ST6GALNAC3: variants seen among roughly 807,000 people sequenced by gnomAD.
ST6GALNAC3 encodes the protein ST6 N-acetylgalactosaminide alpha-2,6-sialyltransferase 3, also known as alpha-N-acetylgalactosaminide alpha-2,6-sialyltransferase 3.
ST6GALNAC3 carries 25 observed loss-of-function variants against 32.7 expected under a neutral mutation model. That is an observed-to-expected ratio of 0.76 (90% CI 0.56 to 1.07). The LOEUF (loss-of-function observed/expected upper bound fraction) is 1.07. ST6GALNAC3 is among the 50% of genes least tolerant of loss of function. The probability of loss-of-function intolerance (pLI) is 0.00; values close to 1 mark genes in which losing one functional copy is unlikely to be tolerated. For synonymous variants in ST6GALNAC3, 129 were observed against 133.1 expected, an observed-to-expected ratio of 0.97 and a Z score of 0.21; for missense variants, 355 against 382.4, an observed-to-expected ratio of 0.93 and a Z score of 0.60.
chr1:76,150,595 T>C (rs1650976926), intron 1 of ST6GALNAC3, among the ~76,000 whole-genome samples: 1 of 152,236 alleles, frequency 6.6e-6, no homozygotes. Context: ...AGCTGTAATT[T>C]CCTGCAGAAC....
chr1:76,121,209 T>C (rs1648850209), intron 1 of ST6GALNAC3, among the ~76,000 whole-genome samples: 2 of 152,326 alleles, frequency 1.3e-5, no homozygotes, highest in Middle Eastern at 3.4e-3. Flanking sequence ...GATTAGGATG[T>C]TGGCATTTTG....
intron 2 of ST6GALNAC3, among the ~76,000 whole-genome samples, chr1:76,361,061 T>G (rs1649891979): frequency 6.6e-6 from 1 of 152,182 alleles, no homozygotes; most frequent in South Asian, 2.1e-4. Flanking sequence ...GTTTTGCTTT[T>G]TTTTTTAATT....
chr1:76,511,831 G>A (rs956952420), intron 3 of ST6GALNAC3, among the ~76,000 whole-genome samples: 16 of 152,260 alleles, frequency 1.1e-4, no homozygotes, highest in African/African-American at 2.4e-4. Context: ...TCAGTTTAGG[G>A]ATATGAATAA....
intron 3 of ST6GALNAC3, among the ~76,000 whole-genome samples, chr1:76,443,165 GT>G (rs1395395040): frequency 2.0e-5 from 3 of 151,948 alleles, no homozygotes; most frequent in Non-Finnish European, 4.4e-5. Flanking sequence ...GTTTTGTTTT[GT>G]TTTTTAAAGA....
At chr1:76,548,697 A>G (rs1664442809) in intron 3 of ST6GALNAC3, among the ~76,000 whole-genome samples, 2 of 152,198 alleles carry the variant, frequency 1.3e-5, no homozygotes, top group South Asian at 4.1e-4. Flanking sequence ...ATAGTAAAGG[A>G]AGGCAAGGGC....
intron 1 of ST6GALNAC3, among the ~76,000 whole-genome samples, chr1:76,237,335 G>C (rs1022961388): frequency 6.6e-6 from 1 of 152,044 alleles, no homozygotes; most frequent in Non-Finnish European, 1.5e-5. Context: ...TGTTTCACTG[G>C]GTTGGCCAGG....
At chr1:76,085,799 T>C (rs1646957282) in intron 1 of ST6GALNAC3, among the ~76,000 whole-genome samples, 1 of 152,232 alleles carries the variant, frequency 6.6e-6, no homozygotes, top group Admixed American at 6.5e-5. Flanking sequence ...TGTTGAGTTA[T>C]GGAAATTGCA....
chr1:76,317,671 C>T (rs1646890804), intron 2 of ST6GALNAC3, among the ~76,000 whole-genome samples: 1 of 152,134 alleles, frequency 6.6e-6, no homozygotes, highest in South Asian at 2.1e-4. Flanking sequence ...GCAGTGATTT[C>T]CAGACCTAGA....
At chr1:76,173,764 T>C (rs1378832292) in intron 1 of ST6GALNAC3, among the ~76,000 whole-genome samples, 2 of 152,072 alleles carry the variant, frequency 1.3e-5, no homozygotes, top group South Asian at 4.1e-4. Flanking sequence ...ATTAGAGAAA[T>C]GCAAATCAAA....
chr1:76,202,566 A>G (rs1362104979), intron 1 of ST6GALNAC3, among the ~76,000 whole-genome samples: 2 of 152,168 alleles, frequency 1.3e-5, no homozygotes, highest in African/African-American at 4.8e-5. Flanking sequence ...GAATGTGTGT[A>G]TAAGTAGTTG....
intron 3 of ST6GALNAC3, among the ~76,000 whole-genome samples, chr1:76,423,944 T>C (rs535149936): frequency 6.6e-6 from 1 of 152,018 alleles, no homozygotes; most frequent in East Asian, 1.9e-4. Flanking sequence ...CTAACAAAGG[T>C]GTTAATATCC....
chr1:76,144,247 C>G (rs1033968629), intron 1 of ST6GALNAC3, among the ~76,000 whole-genome samples: 1 of 152,050 alleles, frequency 6.6e-6, no homozygotes, highest in African/African-American at 2.4e-5. Context: ...TCAAGGAGCT[C>G]GGTCAGTAAT....
chr1:76,144,200 A>G (rs1310957041), intron 1 of ST6GALNAC3, among the ~76,000 whole-genome samples: 1 of 152,178 alleles, frequency 6.6e-6, no homozygotes, highest in Non-Finnish European at 1.5e-5. Context: ...AAGATGGGAA[A>G]GCGTGCTGCT....
intron 3 of ST6GALNAC3, among the ~76,000 whole-genome samples, chr1:76,445,654 A>G (rs1656918595): frequency 6.6e-6 from 1 of 152,138 alleles, no homozygotes; most frequent in South Asian, 2.1e-4. Context: ...ATTTTGTGAT[A>G]TGGTATCTGA....
chr1:76,178,618 A>C (rs1347711380), intron 1 of ST6GALNAC3, among the ~76,000 whole-genome samples: 2 of 152,200 alleles, frequency 1.3e-5, no homozygotes, highest in African/African-American at 2.4e-5. Context: ...CTACTGATCA[A>C]GATCAATAGT....
intron 3 of ST6GALNAC3, among the ~76,000 whole-genome samples, chr1:76,518,432 T>G (rs1557518435): frequency 6.6e-6 from 1 of 152,132 alleles, no homozygotes; most frequent in Non-Finnish European, 1.5e-5. Flanking sequence ...TATTTAATCA[T>G]GTATAACCTG....
intron 2 of ST6GALNAC3, among the ~76,000 whole-genome samples, chr1:76,360,344 A>C (rs1649829185): frequency 6.6e-6 from 1 of 152,080 alleles, no homozygotes; most frequent in Non-Finnish European, 1.5e-5. Flanking sequence ...CTTTACATTC[A>C]GGTTATATAG....
intron 1 of ST6GALNAC3, among the ~76,000 whole-genome samples, chr1:76,138,678 T>C (rs931464521): frequency 2.0e-5 from 3 of 152,262 alleles, no homozygotes; most frequent in Non-Finnish European, 4.4e-5. Flanking sequence ...TGACATATCA[T>C]ATCTTTTTGT....
chr1:76,620,867 G>C (rs1360008346), intron 3 of ST6GALNAC3, among the ~76,000 whole-genome samples: 1 of 152,002 alleles, frequency 6.6e-6, no homozygotes, highest in Non-Finnish European at 1.5e-5. Flanking sequence ...TCATCCTTCT[G>C]CCATTATTGG....
Sources: allele counts gnomAD v4.1 joint callset (sites outside exome capture counted in the v4.1 genomes callset), GRCh38; gene constraint gnomAD v4.1.1; transcripts MANE v1.5; gene names NCBI Gene and HGNC (gene_info 2026-07-23, HGNC 2026-07-21).